Variants in CENPC observed in about 807,000 individuals in gnomAD.
CENPC encodes the protein CENP-C 1.
Under a neutral mutation model 112.1 loss-of-function variants are expected in CENPC, and 63 were observed. That is an observed-to-expected ratio of 0.56 (90% CI 0.46 to 0.69). CENPC has a LOEUF of 0.69. Ranked by LOEUF, CENPC falls within the 30% of genes least tolerant of loss-of-function variation. The pLI is 0.00. For missense variants in CENPC, 1,000 were observed against 1,103.8 expected (o/e 0.91, Z 1.33); for synonymous variants, 333 against 367.6 (o/e 0.91, Z 1.08).
chr4:67,470,194 G>A lies in CENPC; in HGVS notation c.*2411C>T, dbSNP rs184802710. 9.8e-5 allele frequency: 15 copies of A among 152,310 alleles called. No homozygotes were observed. The highest frequency in any genetic ancestry group is 2.9e-4 in the African/African-American group (12 of 41,548). The allele number at this position is 152,310 out of a possible 1,614,324, so 9.4% of individuals were successfully genotyped here. A position where few individuals can be genotyped will look rare whatever the true frequency, so the allele number is the denominator to read the frequency against. On this transcript the variant is annotated 3_prime_UTR_variant, in exon 19 of 19. Transcript: ENST00000273853. Reference sequence around the variant, plus strand: ...CCTATGAGCTGAACAGAGTACAGAGGTGGCAAAAATCAGACGTGGCTCTGA... The same window carrying A: ...CCTATGAGCTGAACAGAGTACAGAGATGGCAAAAATCAGACGTGGCTCTGA...
chr4:67,492,139 ATTGT>A, intron 16 of CENPC, 37 bp downstream of exon 16: 1 of 1,286,540 alleles, frequency 7.8e-7, no homozygotes. Context: ...TTTCTTACAA[ATTGT>A]TTAATTAAGT....
intron 12 of CENPC, among the ~76,000 whole-genome samples, chr4:67,498,467 C>T (rs1187090869): frequency 6.6e-6 from 1 of 152,142 alleles, no homozygotes; most frequent in African/African-American, 2.4e-5. Context: ...TTCAAAACCG[C>T]AATCAATCCT....
chr4:67,513,758 T>C (rs1725965922), intron 8 of CENPC, among the ~76,000 whole-genome samples: 1 of 152,024 alleles, frequency 6.6e-6, no homozygotes, highest in African/African-American at 2.4e-5. Context: ...TACCCTGGGA[T>C]TTTTTTTAAC....
At chr4:67,475,207 A>T (rs1205739140) in intron 17 of CENPC, among the ~76,000 whole-genome samples, 3 of 152,234 alleles carry the variant, frequency 2.0e-5, no homozygotes, top group Non-Finnish European at 4.4e-5. Context: ...TTAAAAATAG[A>T]GTACTTTCTC....
chr4:67,519,569 T>A, intron 5 of CENPC, 67 bp from the exon 6 acceptor site: 1 of 1,078,728 alleles, frequency 9.3e-7, no homozygotes, highest in Non-Finnish European at 1.3e-6. Flanking sequence ...GCAGGCTTTT[T>A]AAAAATTCTG....
At chr4:67,534,031 C>CA (rs1382541241) in intron 4 of CENPC, among the ~76,000 whole-genome samples, 3 of 150,766 alleles carry the variant, frequency 2.0e-5, no homozygotes, top group South Asian at 2.1e-4. Flanking sequence ...GACCCTGTCT[C>CA]AAAAAAAAGA....
chr4:67,529,089 T>C (rs1726469064), intron 5 of CENPC, among the ~76,000 whole-genome samples: 1 of 152,228 alleles, frequency 6.6e-6, no homozygotes, highest in Non-Finnish European at 1.5e-5. Flanking sequence ...CATCCTTTCA[T>C]ATATTTATTG....
intron 12 of CENPC, among the ~76,000 whole-genome samples, chr4:67,503,643 G>C (rs887272395): frequency 6.6e-6 from 1 of 151,732 alleles, no homozygotes; most frequent in Non-Finnish European, 1.5e-5. Context: ...AATATTAAAA[G>C]TATATTCAAA....
chr4:67,476,466 A>T (rs1724807814), intron 17 of CENPC, among the ~76,000 whole-genome samples: 1 of 148,824 alleles, frequency 6.7e-6, no homozygotes, highest in African/African-American at 2.5e-5. Context: ...GCCAAGGGAA[A>T]TATAATAGTA....
chr4:67,545,251 C>G, intron 1 of CENPC, 87 bp downstream of exon 1: 1 of 1,314,164 alleles, frequency 7.6e-7, no homozygotes, highest in Non-Finnish European at 1.0e-6. Context: ...ACAGCCTCAG[C>G]CTAGCATTTC....
At chr4:67,534,791 C>T (rs1726666840) in intron 4 of CENPC, among the ~76,000 whole-genome samples, 1 of 152,154 alleles carries the variant, frequency 6.6e-6, no homozygotes, top group Admixed American at 6.5e-5. Context: ...TATAGAGCTT[C>T]CAATGTGTTT....
rs1433475806 is a variant in CENPC at position 67,491,527 on chromosome 4, A to AGAGAGAGAGAGAGAGAGC, written c.2515+652_2515+653insGCTCTCTCTCTCTCTCTC. Among the ~76,000 whole-genome samples, 6 of 126,404 alleles carry AGAGAGAGAGAGAGAGAGC rather than the reference A, an allele frequency of 4.7e-5. 1 individual carries two copies. Among genetic ancestry groups the AGAGAGAGAGAGAGAGAGC allele is most frequent in the Non-Finnish European group, 5.0e-5 (3 of 59,608 alleles). 82.9% of individuals were successfully genotyped at this position (126,404 alleles called of 152,430 possible). A position where few individuals can be genotyped will look rare whatever the true frequency, so the allele number is the denominator to read the frequency against. On this transcript the variant is annotated intron_variant, in intron 16 of 18. Transcript: ENST00000273853. The stretch of plus-strand genomic sequence containing the variant: ...GAGAGAGAGAGAGAGAGAGAGAGAG[A>AGAGAGAGAGAGAGAGAGC]GCCTGGTTGTTAAACAGTTGCGTAA...
intron 1 of CENPC, among the ~76,000 whole-genome samples, chr4:67,544,492 G>C (rs190033473): frequency 4.4e-4 from 67 of 152,160 alleles, no homozygotes; most frequent in African/African-American, 1.5e-3. Flanking sequence ...AAAAAGTATA[G>C]ATTATATTAT....
At chr4:67,488,614 A>G (rs1725154873) in intron 17 of CENPC, among the ~76,000 whole-genome samples, 1 of 151,976 alleles carries the variant, frequency 6.6e-6, no homozygotes, top group Admixed American at 6.6e-5. Flanking sequence ...AACATCTGTT[A>G]CTCAAATTTC....
chr4:67,490,851 TATATATATA>T, intron 16 of CENPC, among the ~76,000 whole-genome samples: 1 of 16,662 alleles, frequency 6.0e-5, no homozygotes, highest in African/African-American at 1.3e-4. Context: ...TATATATATA[TATATATATA>T]TATATATATA....
In CENPC at chr4:67,529,450, C is replaced by T. The variant is rs1003570549; in HGVS notation, c.331+1365G>A. On this transcript the variant is annotated intron_variant, in intron 5 of 18. Coordinates refer to ENST00000273853, the MANE Select transcript of CENPC (RefSeq NM_001812.4). Reference sequence around the variant, plus strand: ...AAGCGATTCTCCTGACTCAGCCTCCCGAGTACCTGGGATAACAGGTACTTG... The same window carrying T: ...AAGCGATTCTCCTGACTCAGCCTCCTGAGTACCTGGGATAACAGGTACTTG... Among the ~76,000 whole-genome samples, 5 of 152,094 alleles carry T rather than the reference C, an allele frequency of 3.3e-5. No homozygotes were observed. In the East Asian group the frequency reaches 5.8e-4, roughly 18 times the overall value.
chr4:67,535,683 C>T (rs1217367468), intron 4 of CENPC, among the ~76,000 whole-genome samples: 4 of 152,078 alleles, frequency 2.6e-5, no homozygotes, highest in Admixed American at 2.6e-4. Flanking sequence ...ATAATAATAC[C>T]ATAAACACTA....
At chr4:67,488,509 C>T (rs977669156) in intron 17 of CENPC, among the ~76,000 whole-genome samples, 118 of 152,048 alleles carry the variant, frequency 7.8e-4, no homozygotes, top group African/African-American at 2.8e-3. Flanking sequence ...GGTATGAATA[C>T]TTTTCTAATA....
rs1726011477 is a variant in CENPC, at chr4:67,514,829, T to C, written c.831-142A>G. The stretch of plus-strand genomic sequence containing the variant: ...CTCAATTTTCCCTTAATCTTACAAA[T>C]CTTTCCCTCCTTTCACATTTCTATG... On this transcript the variant is annotated intron_variant, in intron 7 of 18. Coordinates refer to ENST00000273853, the MANE Select transcript of CENPC (RefSeq NM_001812.4). The C allele has an allele frequency of 3.6e-6, 3 of 828,830 alleles. No individual in the cohort carries two copies. In the South Asian group the frequency reaches 6.3e-5, roughly 17 times the overall value. 51.3% of individuals were successfully genotyped at this position (828,830 alleles called of 1,614,324 possible).
Sources: gnomAD v4.1 joint callset for allele counts (sites outside exome capture counted in the v4.1 genomes callset) on GRCh38, gnomAD v4.1.1 for gene constraint, MANE v1.5 for transcripts, NCBI Gene and HGNC (gene_info 2026-07-23, HGNC 2026-07-21) for gene names.